Variants in ANTXR1 observed in about 807,000 individuals in gnomAD.
ANTXR1 encodes the protein anthrax toxin receptor 1.
ANTXR1 carries 19 observed loss-of-function variants against 78.1 expected under a neutral mutation model. The observed-to-expected ratio is 0.24, with a 90% CI of 0.17 to 0.36. The LOEUF (loss-of-function observed/expected upper bound fraction) is 0.36. Ranked by LOEUF, ANTXR1 falls within the 10% of genes least tolerant of loss-of-function variation. ANTXR1 has a pLI of 1.00. For missense variants in ANTXR1, 518 were observed against 718.6 expected, an observed-to-expected ratio of 0.72 and a Z score of 3.19; for synonymous variants, 273 against 260.5, an observed-to-expected ratio of 1.05 and a Z score of -0.46.
At chr2:69,121,550 C>T (rs1318883325) in intron 10 of ANTXR1, among the ~76,000 whole-genome samples, 1 of 152,208 alleles carries the variant, frequency 6.6e-6, no homozygotes, top group Non-Finnish European at 1.5e-5. Context: ...CAGGCAGCTT[C>T]CTAACCTTCA....
chr2:69,226,871 C>G (rs1024338531), intron 17 of ANTXR1, among the ~76,000 whole-genome samples: 1 of 152,130 alleles, frequency 6.6e-6, no homozygotes, highest in South Asian at 2.1e-4. Context: ...ATTCCTCTTA[C>G]AGTCTCAATA....
intron 17 of ANTXR1, among the ~76,000 whole-genome samples, chr2:69,231,964 C>T (rs1302005659): frequency 3.4e-4 from 51 of 152,198 alleles, no homozygotes; most frequent in Non-Finnish European, 1.5e-5. Flanking sequence ...AAGATGGCAG[C>T]CACCTTTGCA....
intron 13 of ANTXR1, among the ~76,000 whole-genome samples, chr2:69,164,368 CT>C: frequency 6.6e-6 from 1 of 152,200 alleles, no homozygotes. Flanking sequence ...AGAATTGAAT[CT>C]TGTAACATGT....
In ANTXR1 at chr2:69,124,604, T is replaced by C; in HGVS notation, c.912T>C (p.Ser304=). Residue 304 remains serine (S), a synonymous_variant, in exon 12 of 18, where the codon TCT becomes TCC. Coordinates refer to ENST00000303714, the MANE Select transcript of ANTXR1 (RefSeq NM_032208.3). ...AGGTCAGCATGAACGATGGCCTCTC[T>C]TTTATCTCCAGTTCTGTCATCATCA... The part of the protein sequence containing the change: ...ALQVSMNDGL[S]FISSSVIITT... The C allele has an allele frequency of 1.2e-6, 2 of 1,614,234 alleles. No individual in the cohort carries two copies. Among genetic ancestry groups the C allele is most frequent in the Non-Finnish European group, 1.7e-6 (2 of 1,180,046 alleles).
rs58660678 is a variant in ANTXR1 at position 69,187,585 on chromosome 2, CTTTTTTTTT to C, written c.1353+4938_1353+4946del. Among the ~76,000 whole-genome samples, 3 of 94,898 alleles carry C rather than the reference CTTTTTTTTT, an allele frequency of 3.2e-5. No individual in the cohort carries two copies. In the South Asian group the frequency reaches 1.1e-3, roughly 36 times the overall value. 62.3% of individuals were successfully genotyped at this position (94,898 alleles called of 152,430 possible). On this transcript the variant is annotated intron_variant, in intron 16 of 17. Coordinates refer to ENST00000303714, the MANE Select transcript of ANTXR1 (RefSeq NM_032208.3). ...GGGTCACACTATTTATCATGTATTT[CTTTTTTTTT>C]TTTTTTTTTTTTGAGACAGAGTCTC...
intron 3 of ANTXR1, among the ~76,000 whole-genome samples, chr2:69,063,113 T>C (rs987718256): frequency 4.6e-5 from 7 of 152,208 alleles, no homozygotes; most frequent in Admixed American, 1.3e-4. Context: ...GAATATCAAG[T>C]GATCTATACT....
chr2:69,059,658 A>G (rs1670174374), intron 3 of ANTXR1, among the ~76,000 whole-genome samples: 1 of 152,118 alleles, frequency 6.6e-6, no homozygotes, highest in South Asian at 2.1e-4. Context: ...TGAAGTATGT[A>G]CTTTTTAAAG....
At chr2:69,051,797 C>T (rs1380474457) in intron 3 of ANTXR1, among the ~76,000 whole-genome samples, 1 of 151,874 alleles carries the variant, frequency 6.6e-6, no homozygotes, top group Non-Finnish European at 1.5e-5. Flanking sequence ...TCTTACTTGG[C>T]TTATGTGTAT....
chr2:69,178,451 G>A (rs972134297), intron 14 of ANTXR1, among the ~76,000 whole-genome samples: 14 of 152,226 alleles, frequency 9.2e-5, no homozygotes, highest in Non-Finnish European at 1.8e-4. Context: ...GGCATTTCCT[G>A]TTGCGAGAAG....
At position 69,248,251 on chromosome 2, in the gene ANTXR1, T is replaced by C. The variant is rs1346077145; in HGVS notation, c.*2766T>C. The C allele has an allele frequency of 2.4e-5, 4 of 167,058 alleles. No individual in the cohort carries two copies. The Admixed American group carries it at 2.6e-4, about 11-fold the overall frequency. 10.3% of individuals were successfully genotyped at this position (167,058 alleles called of 1,614,324 possible). A position where few individuals can be genotyped will look rare whatever the true frequency, so the allele number is the denominator to read the frequency against. ...AAAGCCAAATTTGTGTTGTATATAT[T>C]CGTATTCCATGTGTTAGATGGAAGC... On this transcript the variant is annotated 3_prime_UTR_variant, in exon 18 of 18. Transcript: ENST00000303714.
rs558854356 is a variant in ANTXR1 at position 69,135,328 on chromosome 2, A to G, written c.951+10685A>G. On this transcript the variant is annotated intron_variant, in intron 12 of 17. Coordinates refer to ENST00000303714, the MANE Select transcript of ANTXR1 (RefSeq NM_032208.3). The stretch of plus-strand genomic sequence containing the variant: ...AAAAAAAATATTTTTCTGAATCTAT[A>G]CTTTAGAAAACACTGAGATAAGCCA... Among the ~76,000 whole-genome samples, 48 of 152,306 alleles carry G rather than the reference A, an allele frequency of 3.2e-4. 3 individuals are homozygous for G. In the South Asian group the frequency reaches 9.5e-3, roughly 30 times the overall value.
intron 10 of ANTXR1, among the ~76,000 whole-genome samples, chr2:69,120,432 G>A (rs189967978): frequency 3.1e-4 from 47 of 152,276 alleles, no homozygotes; most frequent in Admixed American, 2.5e-3. Context: ...TTGGGAGGCC[G>A]AGGCAGGCGG....
intron 6 of ANTXR1, among the ~76,000 whole-genome samples, chr2:69,075,119 T>A (rs1276358368): frequency 6.6e-6 from 1 of 152,180 alleles, no homozygotes; most frequent in Non-Finnish European, 1.5e-5. Flanking sequence ...TCTAGCCTTG[T>A]GTGAGGAGCT....
chr2:69,150,010 C>G (rs1012487797), intron 12 of ANTXR1, among the ~76,000 whole-genome samples: 1 of 152,222 alleles, frequency 6.6e-6, no homozygotes, highest in Non-Finnish European at 1.5e-5. Context: ...GCTGCCCAGC[C>G]CTGCACCGGC....
chr2:69,195,871 G>GAA (rs1053539500), intron 17 of ANTXR1, among the ~76,000 whole-genome samples: 2 of 151,854 alleles, frequency 1.3e-5, no homozygotes, highest in Non-Finnish European at 2.9e-5. Flanking sequence ...CACAGCAATT[G>GAA]AAAAACATCT....
chr2:69,131,155 T>C (rs1301050003), intron 12 of ANTXR1, among the ~76,000 whole-genome samples: 2 of 152,330 alleles, frequency 1.3e-5, no homozygotes, highest in East Asian at 1.9e-4. Context: ...TGTTCTATTC[T>C]ATATGTACTT....
chr2:69,232,990 T>C (rs930948975), intron 17 of ANTXR1, among the ~76,000 whole-genome samples: 2 of 152,282 alleles, frequency 1.3e-5, no homozygotes, highest in East Asian at 3.9e-4. Flanking sequence ...GTGAACAAAG[T>C]ACAAATCTAT....
rs1558672713 is a variant in ANTXR1, at chr2:69,245,523, CAGG to C, written c.*41_*43del. The C allele has an allele frequency of 3.1e-6, 5 of 1,611,726 alleles. No individual in the cohort carries two copies. The South Asian group carries it at 3.3e-5, about 11-fold the overall frequency. ...CTGCTCTGGGCTCTCTCAGAAACTTCAGGAGATGTTAGAACAAGTCTTTCCAGT... is the reference window on the plus strand; with the variant it reads ...CTGCTCTGGGCTCTCTCAGAAACTTCAGATGTTAGAACAAGTCTTTCCAGT... On this transcript the variant is annotated 3_prime_UTR_variant, in exon 18 of 18. Coordinates refer to ENST00000303714, the MANE Select transcript of ANTXR1 (RefSeq NM_032208.3).
intron 10 of ANTXR1, among the ~76,000 whole-genome samples, chr2:69,120,435 G>T (rs1366200132): frequency 6.6e-6 from 1 of 152,182 alleles, no homozygotes; most frequent in Non-Finnish European, 1.5e-5. Flanking sequence ...GGAGGCCGAG[G>T]CAGGCGGAGC....
Sources: gnomAD v4.1 joint callset for allele counts (sites outside exome capture counted in the v4.1 genomes callset) on GRCh38, gnomAD v4.1.1 for gene constraint, MANE v1.5 for transcripts, NCBI Gene and HGNC (gene_info 2026-07-23, HGNC 2026-07-21) for gene names.